Variants in SLC9D1 observed in about 807,000 individuals in gnomAD.
The protein encoded by SLC9D1 is solute carrier family 9 member D1.
the SLC9D1 span, among the ~76,000 whole-genome samples, chr13:113,548,860 G>A: frequency 5.9e-5 from 9 of 152,322 alleles, no homozygotes; most frequent in African/African-American, 2.2e-4. Context: ...CGGACTCACG[G>A]CCTTGTCTCC....
the SLC9D1 span, among the ~76,000 whole-genome samples, chr13:113,524,419 C>A: frequency 2.0e-5 from 3 of 152,158 alleles, no homozygotes; most frequent in Non-Finnish European, 4.4e-5. Context: ...ATCTCGGCTC[C>A]TGCCTCCTGG....
the SLC9D1 span, among the ~76,000 whole-genome samples, chr13:113,537,886 GCCGT>G: frequency 6.8e-6 from 1 of 146,740 alleles, no homozygotes; most frequent in Admixed American, 7.2e-5. Context: ...AAACCAAGTA[GCCGT>G]GTGTGTGTGC....
the SLC9D1 span, among the ~76,000 whole-genome samples, chr13:113,512,356 G>A: frequency 1.3e-5 from 2 of 151,354 alleles, no homozygotes; most frequent in African/African-American, 4.9e-5. Flanking sequence ...AGATGGAGAG[G>A]GTCAGTATAT....
chr13:113,510,404 G>A, the SLC9D1 span: 1 of 1,612,574 alleles, frequency 6.2e-7, no homozygotes, highest in Non-Finnish European at 8.5e-7. Context: ...CTCATGGGCA[G>A]TGCTCGGGGT....
the SLC9D1 span, chr13:113,549,417 T>C: frequency 6.2e-7 from 1 of 1,613,608 alleles, no homozygotes; most frequent in East Asian, 2.2e-5. Context: ...TGCACTTTGC[T>C]GTTGCAGGTG....
chr13:113,502,690 G>A, the SLC9D1 span, among the ~76,000 whole-genome samples: 415 of 152,332 alleles, frequency 2.7e-3, 2 homozygotes, highest in African/African-American at 8.9e-3. Context: ...TGCGAGCAGC[G>A]TGGAGAACGG....
At chr13:113,496,012 A>G in the SLC9D1 span, 1 of 1,609,986 alleles carries the variant, frequency 6.2e-7, no homozygotes, top group Non-Finnish European at 8.5e-7. Flanking sequence ...GCCCTGAGAG[A>G]GGCTGCAATA....
At chr13:113,532,849 C>T in the SLC9D1 span, among the ~76,000 whole-genome samples, 1 of 117,028 alleles carries the variant, frequency 8.5e-6, no homozygotes, top group East Asian at 2.9e-4. Flanking sequence ...AAGTCGCAGA[C>T]GTGGGCCCTG....
chr13:113,519,103 G>A, the SLC9D1 span, among the ~76,000 whole-genome samples: 30 of 151,406 alleles, frequency 2.0e-4, no homozygotes, highest in Non-Finnish European at 3.7e-4. Flanking sequence ...GAGTGCAGTG[G>A]CGTGATCTCA....
At chr13:113,498,485 A>G in the SLC9D1 span, 2 of 1,594,714 alleles carry the variant, frequency 1.3e-6, no homozygotes, top group African/African-American at 1.4e-5. Flanking sequence ...GTCTGGAGGA[A>G]GAGATAGAGG....
the SLC9D1 span, chr13:113,496,050 G>C: frequency 3.3e-6 from 5 of 1,517,088 alleles, no homozygotes; most frequent in South Asian, 5.9e-5. Flanking sequence ...GGGAGAGAGA[G>C]AGAGAGGGAG....
the SLC9D1 span, among the ~76,000 whole-genome samples, chr13:113,496,588 A>G: frequency 1.3e-5 from 2 of 152,356 alleles, no homozygotes; most frequent in East Asian, 3.9e-4. Flanking sequence ...TACATTTTTT[A>G]AAGCCATCAT....
At chr13:113,505,283 C>G in the SLC9D1 span, 1 of 152,134 alleles carries the variant, frequency 6.6e-6, no homozygotes. Context: ...AGCTGTCTAG[C>G]AATTTGACCT....
chr13:113,492,290 C>T, the SLC9D1 span, among the ~76,000 whole-genome samples: 1 of 152,176 alleles, frequency 6.6e-6, no homozygotes, highest in Non-Finnish European at 1.5e-5. Context: ...CATTAACCAC[C>T]GCACCTGGTC....
chr13:113,495,962 T>C, the SLC9D1 span: 9 of 1,613,598 alleles, frequency 5.6e-6, no homozygotes. Context: ...ATTACAAAGA[T>C]GTCGTGAACA....
At chr13:113,516,015 C>T in the SLC9D1 span, among the ~76,000 whole-genome samples, 1 of 151,332 alleles carries the variant, frequency 6.6e-6, no homozygotes, top group East Asian at 2.0e-4. Context: ...GGATTTTCTA[C>T]ATATGAGATA....
At chr13:113,508,143 G>A in the SLC9D1 span, among the ~76,000 whole-genome samples, 4 of 152,272 alleles carry the variant, frequency 2.6e-5, no homozygotes, top group African/African-American at 9.6e-5. Context: ...TGGCTGGAAT[G>A]TGGGGTAACA....
the SLC9D1 span, chr13:113,510,188 C>G: frequency 6.6e-7 from 1 of 1,523,182 alleles, no homozygotes; most frequent in Non-Finnish European, 9.1e-7. Context: ...GTGGTGTGGT[C>G]ATTGCCTGTT....
the SLC9D1 span, chr13:113,549,302 C>T: frequency 9.0e-7 from 1 of 1,116,672 alleles, no homozygotes; most frequent in Non-Finnish European, 1.3e-6. Flanking sequence ...TGACTGTGCT[C>T]AGCCTCAGGA....
Sources: allele counts gnomAD v4.1 joint callset (sites outside exome capture counted in the v4.1 genomes callset), GRCh38; gene constraint gnomAD v4.1.1; transcripts MANE v1.5; gene names NCBI Gene and HGNC (gene_info 2026-07-23, HGNC 2026-07-21).